BCL7C: variants seen among roughly 807,000 people sequenced by gnomAD.
BCL7C encodes the protein BAF chromatin remodeling complex subunit BCL7C, also known as B-cell CLL/lymphoma 7 protein family member C.
Under a neutral mutation model 26.2 loss-of-function variants are expected in BCL7C, and 8 were observed. The ratio of observed to expected loss-of-function variants is 0.30; its 90% confidence interval spans 0.18 to 0.55. The LOEUF is 0.55. BCL7C is among the 20% of genes least tolerant of loss of function. The pLI is 0.93. For synonymous variants in BCL7C, 90 were observed against 116.5 expected (o/e 0.77, Z 1.47); for missense variants, 262 against 298.5 (o/e 0.88, Z 0.90).
intron 5 of BCL7C, among the ~76,000 whole-genome samples, chr16:30,849,093 A>C (rs1385602197): frequency 9.2e-5 from 14 of 151,858 alleles, no homozygotes; most frequent in Non-Finnish European, 1.9e-4. Context: ...AGGCTGAGAC[A>C]GAAGAATGGT....
At chr16:30,850,209 C>CAAAAAAAA (rs778231654) in intron 5 of BCL7C, among the ~76,000 whole-genome samples, 1 of 86,566 alleles carries the variant, frequency 1.2e-5, no homozygotes, top group Non-Finnish European at 2.3e-5. Context: ...GACTCCATCT[C>CAAAAAAAA]AAAAAAAAAA....
chr16:30,891,895 T>C (rs1327142285), intron 4 of BCL7C, among the ~76,000 whole-genome samples: 1 of 151,574 alleles, frequency 6.6e-6, no homozygotes, highest in Non-Finnish European at 1.5e-5. Context: ...GCCCAGGAGT[T>C]TGAGGCTGCA....
At chr16:30,835,153 A>G (rs2054562055) in intron 5 of BCL7C, 3 of 1,477,352 alleles carry the variant, frequency 2.0e-6, no homozygotes, top group South Asian at 2.6e-5. Flanking sequence ...CGAATCCTGT[A>G]CGGAGAAAAG....
At chr16:30,865,417 T>A (rs997486147) in intron 5 of BCL7C, among the ~76,000 whole-genome samples, 10 of 150,936 alleles carry the variant, frequency 6.6e-5, no homozygotes, top group African/African-American at 1.5e-4. Context: ...AAAAAAAAAA[T>A]TTTTTTGAAA....
chr16:30,881,922 G>T (rs866510907), intron 5 of BCL7C, among the ~76,000 whole-genome samples: 1 of 151,508 alleles, frequency 6.6e-6, no homozygotes, highest in African/African-American at 2.4e-5. Flanking sequence ...GGATATAACT[G>T]CCTGAAGGCA....
At chr16:30,873,936 T>TAG (rs1368672858) in intron 5 of BCL7C, among the ~76,000 whole-genome samples, 2 of 82,872 alleles carry the variant, frequency 2.4e-5, no homozygotes, top group East Asian at 7.7e-4. Flanking sequence ...TATATACATA[T>TAG]ATATATAGAT....
chr16:30,861,461 G>T (rs1430502581), intron 5 of BCL7C, among the ~76,000 whole-genome samples: 2 of 152,214 alleles, frequency 1.3e-5, no homozygotes, highest in African/African-American at 4.8e-5. Context: ...ACTGGGCCAA[G>T]GAATGCCCAC....
intron 4 of BCL7C, among the ~76,000 whole-genome samples, chr16:30,891,039 C>T (rs1567325000): frequency 6.6e-6 from 1 of 151,906 alleles, no homozygotes; most frequent in Admixed American, 6.6e-5. Flanking sequence ...GGCATGGTGG[C>T]ATGCCTGTAA....
At chr16:30,879,920 G>A (rs2143082310) in intron 5 of BCL7C, among the ~76,000 whole-genome samples, 1 of 151,736 alleles carries the variant, frequency 6.6e-6, no homozygotes, top group East Asian at 1.9e-4. Context: ...AACCCGGGAG[G>A]CAGAGCTTTC....
chr16:30,849,984 C>T (rs912276460), intron 5 of BCL7C, among the ~76,000 whole-genome samples: 1 of 151,690 alleles, frequency 6.6e-6, no homozygotes, highest in Non-Finnish European at 1.5e-5. Context: ...CCAAGGTGGG[C>T]AGATCACAAG....
chr16:30,847,815 A>G (rs1361175971), intron 5 of BCL7C, among the ~76,000 whole-genome samples: 1 of 151,926 alleles, frequency 6.6e-6, no homozygotes, highest in Admixed American at 6.6e-5. Context: ...CAAAAACAAA[A>G]ACAAAAAAAA....
At chr16:30,844,900 A>G (rs1184021255) in intron 5 of BCL7C, among the ~76,000 whole-genome samples, 1 of 152,192 alleles carries the variant, frequency 6.6e-6, no homozygotes, top group Non-Finnish European at 1.5e-5. Flanking sequence ...GGGACATTGC[A>G]AGAAGAAGGG....
At chr16:30,881,450 A>G (rs1293709234) in intron 5 of BCL7C, among the ~76,000 whole-genome samples, 1 of 150,810 alleles carries the variant, frequency 6.6e-6, no homozygotes, top group African/African-American at 2.4e-5. Flanking sequence ...AACAAAACCT[A>G]AGTCTGATTA....
intron 5 of BCL7C, among the ~76,000 whole-genome samples, chr16:30,881,824 C>A (rs2055048036): frequency 6.6e-6 from 1 of 152,178 alleles, no homozygotes; most frequent in Non-Finnish European, 1.5e-5. Flanking sequence ...GAGGCCCCTG[C>A]CTCGCCCCCG....
chr16:30,859,255 G>A (rs182824897), intron 5 of BCL7C, among the ~76,000 whole-genome samples: 27 of 152,324 alleles, frequency 1.8e-4, no homozygotes, highest in Admixed American at 1.6e-3. Flanking sequence ...CAGCTTAGAC[G>A]GTGGAGGATA....
intron 5 of BCL7C, among the ~76,000 whole-genome samples, chr16:30,840,989 A>C (rs891450909): frequency 1.6e-4 from 24 of 152,110 alleles, no homozygotes; most frequent in African/African-American, 5.8e-4. Context: ...CAGCCAAACC[A>C]TATCAAAGAC....
At chr16:30,876,658 C>T (rs775863894) in intron 5 of BCL7C, among the ~76,000 whole-genome samples, 2 of 151,984 alleles carry the variant, frequency 1.3e-5, no homozygotes, top group Non-Finnish European at 2.9e-5. Flanking sequence ...GTCAGGGAAC[C>T]TTGGAGGAGG....
chr16:30,849,850 AG>A (rs2151363102), intron 5 of BCL7C, among the ~76,000 whole-genome samples: 2 of 150,860 alleles, frequency 1.3e-5, no homozygotes, highest in African/African-American at 4.9e-5. Context: ...CACCATGCCT[AG>A]CTAACTTTTG....
rs539546308 is a variant in BCL7C at position 30,869,537 on chromosome 16, G to A, written c.528+19323C>T. 6.1e-5 allele frequency among the ~76,000 whole-genome samples: 9 copies of A among 147,780 alleles called. No homozygotes were observed. The South Asian group carries it at 1.9e-3, about 32-fold the overall frequency. On this transcript the variant is annotated intron_variant, in intron 5 of 5. Transcript: ENST00000380317. ...TTTTTTTTTTTTTTTAAAGAGACGG[G>A]GTCTCGCTCTGTTGCCCAGGCTGGA...
Sources: allele counts gnomAD v4.1 joint callset (sites outside exome capture counted in the v4.1 genomes callset), GRCh38; gene constraint gnomAD v4.1.1; transcripts MANE v1.5; gene names NCBI Gene and HGNC (gene_info 2026-07-23, HGNC 2026-07-21).